SAMTOR: variants seen among roughly 807,000 people sequenced by gnomAD.
SAMTOR encodes UPF0532 protein C7orf60.
chr7:112,878,433 T>A, the SAMTOR span, among the ~76,000 whole-genome samples: 4 of 152,178 alleles, frequency 2.6e-5, 1 homozygote, highest in Non-Finnish European at 5.9e-5. Flanking sequence ...CCCAACTCTA[T>A]GAAAGGGCTT....
At chr7:112,845,380 A>C in the SAMTOR span, among the ~76,000 whole-genome samples, 1 of 152,192 alleles carries the variant, frequency 6.6e-6, no homozygotes, top group African/African-American at 2.4e-5. Flanking sequence ...TAAAGAACCT[A>C]AACAAATTTA....
the SAMTOR span, among the ~76,000 whole-genome samples, chr7:112,916,406 G>A: frequency 1.3e-5 from 2 of 152,202 alleles, no homozygotes; most frequent in Non-Finnish European, 2.9e-5. Context: ...ATAAGGAAAT[G>A]TAGGCCATTA....
At chr7:112,912,724 T>C in the SAMTOR span, among the ~76,000 whole-genome samples, 2 of 152,056 alleles carry the variant, frequency 1.3e-5, no homozygotes, top group Non-Finnish European at 2.9e-5. Context: ...GCCACTGTTC[T>C]TTTTTTAACA....
chr7:112,869,288 C>T, the SAMTOR span, among the ~76,000 whole-genome samples: 1 of 152,136 alleles, frequency 6.6e-6, no homozygotes, highest in Non-Finnish European at 1.5e-5. Context: ...AGCAGCTCCA[C>T]TCCCGCTGAA....
chr7:112,852,480 G>A, the SAMTOR span, among the ~76,000 whole-genome samples: 2 of 152,008 alleles, frequency 1.3e-5, no homozygotes, highest in African/African-American at 4.8e-5. Context: ...AAGGTGGGAG[G>A]GGAGTGGGGG....
At chr7:112,934,520 C>T in the SAMTOR span, among the ~76,000 whole-genome samples, 1 of 152,182 alleles carries the variant, frequency 6.6e-6, no homozygotes, top group African/African-American at 2.4e-5. Context: ...ACTGCCTATT[C>T]TGATCTTCAA....
At chr7:112,895,651 G>A in the SAMTOR span, 4 of 1,597,598 alleles carry the variant, frequency 2.5e-6, no homozygotes, top group Non-Finnish European at 3.4e-6. Flanking sequence ...TTTAAGGCTG[G>A]AGTGGTCTTA....
At chr7:112,864,405 T>A in the SAMTOR span, among the ~76,000 whole-genome samples, 1 of 152,170 alleles carries the variant, frequency 6.6e-6, no homozygotes, top group Admixed American at 6.5e-5. Flanking sequence ...AAATCTGGCA[T>A]TTGGACATGG....
the SAMTOR span, among the ~76,000 whole-genome samples, chr7:112,933,685 T>C: frequency 6.6e-6 from 1 of 152,204 alleles, no homozygotes; most frequent in African/African-American, 2.4e-5. Context: ...AAAATCTTAG[T>C]TCAATGTTTT....
chr7:112,821,179 A>G, the SAMTOR span: 2 of 152,516 alleles, frequency 1.3e-5, no homozygotes, highest in African/African-American at 4.8e-5. Context: ...AAGAAATAAA[A>G]AGAATTATCA....
At chr7:112,851,646 AAAAC>A in the SAMTOR span, among the ~76,000 whole-genome samples, 6 of 152,218 alleles carry the variant, frequency 3.9e-5, no homozygotes, top group South Asian at 2.1e-4. Context: ...CACGAGAACA[AAAAC>A]AAACAGACAA....
the SAMTOR span, among the ~76,000 whole-genome samples, chr7:112,896,806 A>G: frequency 6.6e-6 from 1 of 152,230 alleles, no homozygotes; most frequent in Non-Finnish European, 1.5e-5. Context: ...AACCCAATCT[A>G]AAATCAGCAA....
chr7:112,895,355 G>T, the SAMTOR span, among the ~76,000 whole-genome samples: 1 of 151,986 alleles, frequency 6.6e-6, no homozygotes, highest in Non-Finnish European at 1.5e-5. Flanking sequence ...TTTTCAGTTA[G>T]AACAACACAT....
the SAMTOR span, chr7:112,820,986 A>G: frequency 1.3e-5 from 2 of 152,466 alleles, no homozygotes; most frequent in African/African-American, 4.8e-5. Context: ...AAGTTTAAGA[A>G]AAGTAAAAGT....
chr7:112,858,569 TCCTTTTTC>T, the SAMTOR span, among the ~76,000 whole-genome samples: 4 of 152,268 alleles, frequency 2.6e-5, no homozygotes, highest in East Asian at 5.8e-4. Context: ...TTGTTAAAAA[TCCTTTTTC>T]CAGTTAGCAA....
At chr7:112,885,590 G>C in the SAMTOR span, among the ~76,000 whole-genome samples, 1 of 152,102 alleles carries the variant, frequency 6.6e-6, no homozygotes, top group African/African-American at 2.4e-5. Flanking sequence ...ATCTCCATCT[G>C]AGGCCACCTC....
chr7:112,932,769 G>A, the SAMTOR span, among the ~76,000 whole-genome samples: 10 of 152,178 alleles, frequency 6.6e-5, no homozygotes, highest in Non-Finnish European at 1.5e-4. Flanking sequence ...GTACACAACT[G>A]TGTTTGTGGG....
the SAMTOR span, among the ~76,000 whole-genome samples, chr7:112,918,494 T>C: frequency 6.6e-6 from 1 of 152,180 alleles, no homozygotes; most frequent in Non-Finnish European, 1.5e-5. Context: ...TGCAAAATCA[T>C]GCCAAATTGT....
the SAMTOR span, among the ~76,000 whole-genome samples, chr7:112,839,274 T>C: frequency 6.6e-6 from 1 of 151,722 alleles, no homozygotes; most frequent in Non-Finnish European, 1.5e-5. Flanking sequence ...GGTACTTAAA[T>C]AAGAAAGGGG....
Sources: gnomAD v4.1 joint callset for allele counts (sites outside exome capture counted in the v4.1 genomes callset) on GRCh38, gnomAD v4.1.1 for gene constraint, MANE v1.5 for transcripts, NCBI Gene and HGNC (gene_info 2026-07-23, HGNC 2026-07-21) for gene names.